The following PATZ1 variants were observed in gnomAD, a reference collection of about 807,000 sequenced individuals.
PATZ1 encodes POZ-, AT hook-, and zinc finger-containing protein 1.
PATZ1 carries 9 observed loss-of-function variants against 46.2 expected under a neutral mutation model. The ratio of observed to expected loss-of-function variants is 0.19; its 90% CI spans 0.12 to 0.34. The LOEUF is 0.34. Ranked by LOEUF, PATZ1 falls within the 10% of genes least tolerant of loss-of-function variation. The pLI is 1.00. For synonymous variants in PATZ1, 426 were observed against 378.6 expected (o/e 1.13, Z -1.45); for missense variants, 632 against 923.0 (o/e 0.68, Z 4.08).
intron 2 of PATZ1, chr22:31,341,210 T>C (rs2145825863): frequency 2.3e-6 from 3 of 1,324,122 alleles, no homozygotes; most frequent in Non-Finnish European, 1.9e-6. Flanking sequence ...TTGGATGCTA[T>C]AGGGGGTTCC....
In PATZ1 at chr22:31,328,800, G is replaced by A; in HGVS notation, c.1632C>T (p.Thr544=). Residue 544 remains threonine, a synonymous_variant, in exon 4 of 5, where the codon ACC becomes ACT. Transcript: ENST00000266269. This position sits in a 1 kb window ranked among gnomAD's most constrained non-coding sequence, Gnocchi z 4.8. ...GGGGTCGCTTGCCTTTGTTGCCATA[G>A]GTCCTGGCGCAGTGGAACGCTGCTC... ...NGGAAFHCAR[T]YGNKEGQKCS... 6.2e-7 allele frequency: 1 copy of A among 1,613,166 alleles called. No homozygotes were observed. Among genetic ancestry groups the A allele is most frequent in the Non-Finnish European group, 8.5e-7 (1 of 1,179,712 alleles).
chr22:31,342,077 G>A lies in PATZ1; in HGVS notation c.1335+820C>T, dbSNP rs1039822446. Among the ~76,000 whole-genome samples the A allele has an allele frequency of 1.2e-4, 19 of 152,182 alleles. 1 individual carries two copies. In the South Asian group the frequency reaches 3.3e-3, roughly 27 times the overall value. ...AGTGCACACCCCACAATCATGGCTCGCCCTCACTTGATGGGAACTTGGCAT... is the reference window on the plus strand; with the variant it reads ...AGTGCACACCCCACAATCATGGCTCACCCTCACTTGATGGGAACTTGGCAT... On this transcript the variant is annotated intron_variant, in intron 2 of 4. Transcript: ENST00000266269.
At chr22:31,333,405 C>G (rs1474505848) in intron 3 of PATZ1, among the ~76,000 whole-genome samples, 1 of 151,658 alleles carries the variant, frequency 6.6e-6, no homozygotes, top group African/African-American at 2.4e-5. Context: ...CAAAGGAGGA[C>G]ACAGAGCTCT....
rs1422626950 is a variant in PATZ1 at position 31,335,770 on chromosome 22, A to G, written c.1429T>C (p.Leu477=). The G allele has an allele frequency of 6.2e-7, 1 of 1,614,124 alleles. No individual in the cohort carries two copies. The highest frequency in any genetic ancestry group is 2.2e-5 in the East Asian group (1 of 44,882). ...KVPCQVCGKY[L]RAAYMADHLK... is the part of the protein sequence containing the mutation. ...TGGTCTGCCATGTATGCTGCCCGCA[A>G]GTACTTCCCACACACCTGGCAGGGC... Residue 477 remains leucine, a synonymous_variant, in exon 3 of 5, where the codon TTG becomes CTG. Transcript: ENST00000266269.
chr22:31,340,746 C>A, intron 2 of PATZ1: 2 of 1,052,252 alleles, frequency 1.9e-6, no homozygotes, highest in Non-Finnish European at 2.3e-6. Flanking sequence ...AAAGGGCACA[C>A]CAATAAGGAT....
chr22:31,343,209 C>G, intron 1 of PATZ1: 1 of 1,254,948 alleles, frequency 8.0e-7, no homozygotes, highest in Non-Finnish European at 1.0e-6. Context: ...CCTCCCCACT[C>G]CCTCAATTCT....
intron 2 of PATZ1, among the ~76,000 whole-genome samples, chr22:31,339,083 T>C (rs1487101648): frequency 6.6e-6 from 1 of 152,180 alleles, no homozygotes; most frequent in Non-Finnish European, 1.5e-5. Context: ...CTGTCATGCT[T>C]TGCTACCTAA....
chr22:31,345,662 C>A lies in PATZ1; in HGVS notation c.-60G>T. The A allele has an allele frequency of 6.8e-7, 1 of 1,476,694 alleles. No homozygotes were observed. Among genetic ancestry groups the A allele is most frequent in the Non-Finnish European group, 9.1e-7 (1 of 1,102,248 alleles). The allele number at this position is 1,476,694 out of a possible 1,614,324, so 91.5% of individuals were successfully genotyped here. A position where few individuals can be genotyped will look rare whatever the true frequency, so the allele number is the denominator to read the frequency against. On this transcript the variant is annotated 5_prime_UTR_variant, in exon 1 of 5. Transcript: ENST00000266269. This position sits in a 1 kb window ranked among gnomAD's most constrained non-coding sequence, Gnocchi z 7.4. Reference sequence around the variant, plus strand: ...ACCTGCCCGCCCCCTCCCTTCCCCTCAGCAGCGAGAAGCGGGGCGCAGCAG... The same window carrying A: ...ACCTGCCCGCCCCCTCCCTTCCCCTAAGCAGCGAGAAGCGGGGCGCAGCAG...
chr22:31,342,033 T>A (rs1359972584), intron 2 of PATZ1, among the ~76,000 whole-genome samples: 1 of 152,052 alleles, frequency 6.6e-6, no homozygotes, highest in Non-Finnish European at 1.5e-5. Flanking sequence ...GAGAAGCAGG[T>A]TATCCTATCA....
Position 31,326,435 on chromosome 22 carries a change from A to G in PATZ1, c.*456T>C, listed in dbSNP as rs1014878874. The G allele has an allele frequency of 1.7e-5, 4 of 240,652 alleles. No homozygotes were observed. Among genetic ancestry groups the G allele is most frequent in the African/African-American group, 4.4e-5 (2 of 45,308 alleles). The allele number at this position is 240,652 out of a possible 1,614,324, so 14.9% of individuals were successfully genotyped here. The stretch of plus-strand genomic sequence containing the variant: ...AAAAACAGTTGGGCATCCGCATTGT[A>G]TAAGTAGGTGGAGACCCTAGTGTGG... On this transcript the variant is annotated 3_prime_UTR_variant, in exon 5 of 5. Coordinates refer to ENST00000266269, the MANE Select transcript of PATZ1 (RefSeq NM_014323.3).
chr22:31,343,644 C>G (rs1261751474), intron 1 of PATZ1: 1 of 154,440 alleles, frequency 6.5e-6, no homozygotes, highest in Admixed American at 6.5e-5. Context: ...GACAAGTCCT[C>G]AGTTCCCCAA....
chr22:31,336,232 T>A (rs985990943), intron 2 of PATZ1, among the ~76,000 whole-genome samples: 5 of 152,224 alleles, frequency 3.3e-5, no homozygotes, highest in Non-Finnish European at 5.9e-5. Flanking sequence ...CAGAATTACA[T>A]TTACATGAAT....
At position 31,345,383 on chromosome 22, in the gene PATZ1, A is replaced by G; in HGVS notation, c.220T>C (p.Leu74=). The G allele has an allele frequency of 6.2e-7, 1 of 1,607,950 alleles. No homozygotes were observed. The highest frequency in any genetic ancestry group is 1.3e-5 in the African/African-American group (1 of 74,900). ...CCGTCCGCAGCTCCGCCGTCGCCCA[A>G]CTGGGCGCTGAACACCGACTCAAAG... The part of the protein sequence containing the change: ...EYFESVFSAQ[L]GDGGAADGGP... Residue 74 remains leucine, a synonymous_variant, in exon 1 of 5, where the codon TTG becomes CTG. Coordinates refer to ENST00000266269, the MANE Select transcript of PATZ1 (RefSeq NM_014323.3). The surrounding 1 kb of genome is among the most constrained non-coding windows in gnomAD (Gnocchi z 7.4).
Position 31,345,571 on chromosome 22 carries a change from G to C in PATZ1, c.32C>G (p.Pro11Arg), listed in dbSNP as rs756897046. 7.5e-6 allele frequency: 12 copies of C among 1,597,666 alleles called. No homozygotes were observed. The highest frequency in any genetic ancestry group is 3.4e-5 in the Admixed American group (2 of 59,366). Residue 11 changes from proline (P) to arginine (R), a missense_variant, in exon 1 of 5, where the codon CCG (proline) becomes CGG (arginine). Physicochemically the swap from Pro to Arg is moderately radical, Grantham distance 103. Around this residue, in one of 7 missense-constraint regions of PATZ1, gnomAD observed 30 missense variants for 27.7 expected, o/e 1.08. Coordinates refer to ENST00000266269, the MANE Select transcript of PATZ1 (RefSeq NM_014323.3). The surrounding 1 kb of genome is among the most constrained non-coding windows in gnomAD (Gnocchi z 7.4). Reference sequence around the variant, plus strand: ...CACCTGGTATGTGTAGCAGCCAGACGGGCCGCACGAAGCGTCGTTCACCCG... The same window carrying C: ...CACCTGGTATGTGTAGCAGCCAGACCGGCCGCACGAAGCGTCGTTCACCCG... MERVNDASCG[P>R]SGCYTYQVSR...
chr22:31,340,165 G>A (rs978706752), intron 2 of PATZ1, among the ~76,000 whole-genome samples: 1 of 152,192 alleles, frequency 6.6e-6, no homozygotes, highest in African/African-American at 2.4e-5. Flanking sequence ...AGCAGTACCT[G>A]GGGCATCTGG....
At position 31,336,143 on chromosome 22, in the gene PATZ1, C is replaced by CCTCT. The variant is rs531998815; in HGVS notation, c.1336-284_1336-281dup. Among the ~76,000 whole-genome samples the CCTCT allele has an allele frequency of 1.6e-4, 24 of 152,232 alleles. No homozygotes were observed. In the South Asian group the frequency reaches 4.8e-3, roughly 30 times the overall value. On this transcript the variant is annotated intron_variant, in intron 2 of 4. Transcript: ENST00000266269. ...GACATGGCAAGCTAAGCTCTATACC[C>CCTCT]CTCTACACAATGAAGAGTTACACAT...
intron 2 of PATZ1, chr22:31,337,769 A>G (rs1387437331): frequency 6.6e-6 from 1 of 152,218 alleles, no homozygotes; most frequent in Non-Finnish European, 1.5e-5. Flanking sequence ...TGCCTCTGCC[A>G]TCTCTCTTTA....
At chr22:31,341,206 G>GC (rs775923507) in intron 2 of PATZ1, 39 of 1,262,878 alleles carry the variant, frequency 3.1e-5, no homozygotes, top group Non-Finnish European at 3.7e-5. Flanking sequence ...AAACTTGGAT[G>GC]CTATAGGGGG....
chr22:31,328,657 C>A lies in PATZ1; in HGVS notation c.1645+130G>T. The A allele has an allele frequency of 1.3e-6, 1 of 775,864 alleles. No homozygotes were observed. The highest frequency in any genetic ancestry group is 1.5e-5 in the South Asian group (1 of 66,412). The allele number at this position is 775,864 out of a possible 1,614,324, so 48.1% of individuals were successfully genotyped here. On this transcript the variant is annotated intron_variant, in intron 4 of 4. Transcript: ENST00000266269. This position sits in a 1 kb window ranked among gnomAD's most constrained non-coding sequence, Gnocchi z 4.8. ...TGACTTTTGTCCTGGAGGCCACTGCCACTCAGATCTCTGAGTCTCCTCAAG... is the reference window on the plus strand; with the variant it reads ...TGACTTTTGTCCTGGAGGCCACTGCAACTCAGATCTCTGAGTCTCCTCAAG...
Sources: gnomAD v4.1 joint callset for allele counts (sites outside exome capture counted in the v4.1 genomes callset) on GRCh38, gnomAD v4.1.1 for gene constraint, gnomAD v4.1.1 regional missense constraint, Gnocchi (gnomAD v3.1) non-coding constraint, MANE v1.5 for transcripts, NCBI Gene and HGNC (gene_info 2026-07-23, HGNC 2026-07-21) for gene names.